Variants in FECH observed in about 807,000 individuals in gnomAD.
FECH encodes ferrochelatase, mitochondrial.
A neutral mutation model predicts 56.9 loss-of-function variants in FECH; 40 were observed. That is an observed-to-expected ratio of 0.70 (90% confidence interval 0.55 to 0.92). FECH has a LOEUF of 0.92. FECH is among the 40% of genes least tolerant of loss of function. The pLI is 0.00. For missense variants in FECH, 431 were observed against 529.1 expected (o/e 0.81, Z 1.82); for synonymous variants, 175 against 198.6 (o/e 0.88, Z 1.00).
At chr18:57,584,126 G>A (rs1477463840) in intron 1 of FECH, among the ~76,000 whole-genome samples, 1 of 151,214 alleles carries the variant, frequency 6.6e-6, no homozygotes, top group East Asian at 1.9e-4. Context: ...GTTGCAGTGA[G>A]CCGAGATCAT....
chr18:57,581,460 T>C (rs184316500), intron 1 of FECH, among the ~76,000 whole-genome samples: 2 of 152,348 alleles, frequency 1.3e-5, no homozygotes, highest in East Asian at 3.9e-4. Flanking sequence ...CCTGGTGCTA[T>C]GCACATGACC....
At position 57,545,138 on chromosome 18, in the gene FECH, G is replaced by A. The variant is rs2050703268; in HGVS notation, c.*5574C>T. On this transcript the variant is annotated 3_prime_UTR_variant, in exon 11 of 11. Coordinates refer to ENST00000262093, the MANE Select transcript of FECH (RefSeq NM_000140.5). ...CTGTCTGTTCCCATTTCAGGAGCAG[G>A]CTAAGAGTGTGTTTCTGGAAACAAA... Among the ~76,000 whole-genome samples the A allele has an allele frequency of 6.6e-6, 1 of 152,196 alleles. No homozygotes were observed. The highest frequency in any genetic ancestry group is 1.5e-5 in the Non-Finnish European group (1 of 68,048).
In FECH at chr18:57,550,621, C is replaced by T; in HGVS notation, c.*91G>A. On this transcript the variant is annotated 3_prime_UTR_variant, in exon 11 of 11. Coordinates refer to ENST00000262093, the MANE Select transcript of FECH (RefSeq NM_000140.5). ...TATATATATCAAGGAAGGATGACTT[C>T]CTTCCTTGATCTCTAAATAACACCC... 1.3e-6 allele frequency: 2 copies of T among 1,553,310 alleles called. No homozygotes were observed. The highest frequency in any genetic ancestry group is 1.8e-6 in the Non-Finnish European group (2 of 1,130,484).
intron 4 of FECH, among the ~76,000 whole-genome samples, chr18:57,569,835 AC>A (rs1398426522): frequency 6.7e-6 from 1 of 148,924 alleles, no homozygotes; most frequent in Non-Finnish European, 1.5e-5. Context: ...TCATAATAAA[AC>A]CTTTTTTTTT....
chr18:57,552,424 G>C (rs1049481813), intron 9 of FECH, among the ~76,000 whole-genome samples: 1 of 150,330 alleles, frequency 6.7e-6, no homozygotes, highest in East Asian at 1.9e-4. Flanking sequence ...TTTTTGAGAG[G>C]CAGTCTCAGT....
chr18:57,568,170 G>C (rs1043262902), intron 4 of FECH, among the ~76,000 whole-genome samples: 3 of 152,130 alleles, frequency 2.0e-5, no homozygotes, highest in African/African-American at 7.2e-5. Context: ...GAAACAATAC[G>C]ATGATCAGAA....
In FECH at chr18:57,545,736, G is replaced by A. The variant is rs1032837493; in HGVS notation, c.*4976C>T. Among the ~76,000 whole-genome samples, 5 of 152,118 alleles carry A rather than the reference G, an allele frequency of 3.3e-5. No individual in the cohort carries two copies. The highest frequency in any genetic ancestry group is 5.9e-5 in the Non-Finnish European group (4 of 68,028). On this transcript the variant is annotated 3_prime_UTR_variant, in exon 11 of 11. Coordinates refer to ENST00000262093, the MANE Select transcript of FECH (RefSeq NM_000140.5). ...ACACACTTTATATTTTGCAAAATAC[G>A]TGCATATGGAAAAGAAGCACAACAT...
chr18:57,554,738 A>G (rs1238460812), intron 8 of FECH, 107 bp downstream of exon 8: 2 of 907,856 alleles, frequency 2.2e-6, no homozygotes, highest in African/African-American at 3.3e-5. Context: ...CAATCAGGTT[A>G]TGGAAGAGCC....
Position 57,580,145 on chromosome 18 carries a change from G to C in FECH, c.122C>G (p.Ala41Gly), listed in dbSNP as rs2051255285. ...CQPWRWKSGA[A>G]AAAVTTETAQ... ...TGTTTCTGTGGTGACGGCCGCTGCA[G>C]CTGCACCTGACTTCCACCTCCATGG... is the stretch of plus-strand genomic sequence containing the variant. The change falls in exon 2 of 11, where the codon GCT (alanine) becomes GGT (glycine). Residue 41 changes from alanine (A) to glycine (G), a missense_variant. Ala to Gly is a moderately conservative substitution (Grantham distance 60). Transcript: ENST00000262093. The C allele has an allele frequency of 6.2e-7, 1 of 1,614,186 alleles. No homozygotes were observed. The highest frequency in any genetic ancestry group is 1.1e-5 in the South Asian group (1 of 91,084).
At chr18:57,562,604 T>C (rs1022450201) in intron 6 of FECH, among the ~76,000 whole-genome samples, 5 of 152,196 alleles carry the variant, frequency 3.3e-5, no homozygotes, top group African/African-American at 7.2e-5. Context: ...CTTCTGGTCA[T>C]AGGAAACACA....
intron 2 of FECH, among the ~76,000 whole-genome samples, chr18:57,576,041 T>A (rs992444373): frequency 6.6e-6 from 1 of 152,090 alleles, no homozygotes; most frequent in African/African-American, 2.4e-5. Context: ...ACTACTGACG[T>A]TTGGGGCTGG....
chr18:57,577,154 C>G (rs183886237), intron 2 of FECH, among the ~76,000 whole-genome samples: 2 of 152,296 alleles, frequency 1.3e-5, no homozygotes. Context: ...TTCATTAAAC[C>G]TCTAAGACAT....
Position 57,548,386 on chromosome 18 carries a change from C to T in FECH, c.*2326G>A, listed in dbSNP as rs978022375. 2.0e-5 allele frequency: 3 copies of T among 152,102 alleles called. No homozygotes were observed. The highest frequency in any genetic ancestry group is 2.9e-5 in the Non-Finnish European group (2 of 68,022). The allele number at this position is 152,102 out of a possible 1,614,324, so 9.4% of individuals were successfully genotyped here. A position where few individuals can be genotyped will look rare whatever the true frequency, so the allele number is the denominator to read the frequency against. ...GCATATTCTTTAGAAGAGCACTATACATGCAGGGACCTGGGCTTTATCATC... is the reference window on the plus strand; with the variant it reads ...GCATATTCTTTAGAAGAGCACTATATATGCAGGGACCTGGGCTTTATCATC... On this transcript the variant is annotated 3_prime_UTR_variant, in exon 11 of 11. Transcript: ENST00000262093.
intron 4 of FECH, chr18:57,567,884 AAAG>A (rs1396419474): frequency 6.6e-6 from 1 of 152,232 alleles, no homozygotes; most frequent in African/African-American, 2.4e-5. Flanking sequence ...GTACTGCAAA[AAAG>A]AAGAAGGAAG....
rs970748078 is a variant in FECH at position 57,554,930 on chromosome 18, T to C, written c.827A>G (p.Tyr276Cys). ...GACAGTGGCGCTTACCTCCTGAGGA[T>C]ATGGGTCGCCTCTGTTGACCACCTG... ...PMSVVNRGDP[Y>C]PQEVSATVQK... Residue 276 changes from tyrosine to cysteine, a missense_variant, in exon 8 of 11, where the codon TAT becomes TGT. Coordinates refer to ENST00000262093, the MANE Select transcript of FECH (RefSeq NM_000140.5). 2 of 1,614,028 alleles carry C rather than the reference T, an allele frequency of 1.2e-6. No individual in the cohort carries two copies. The highest frequency in any genetic ancestry group is 2.7e-5 in the African/African-American group (2 of 74,922).
In FECH at chr18:57,548,497, T is replaced by C. The variant is rs1409310696; in HGVS notation, c.*2215A>G. On this transcript the variant is annotated 3_prime_UTR_variant, in exon 11 of 11. Coordinates refer to ENST00000262093, the MANE Select transcript of FECH (RefSeq NM_000140.5). ...ATTCATCAATTAAAAGCCAGATCCG[T>C]ATATACACAGCTGAAGAAACTGCCA... The C allele has an allele frequency of 6.6e-6, 1 of 152,192 alleles. No homozygotes were observed. Among genetic ancestry groups the C allele is most frequent in the African/African-American group, 2.4e-5 (1 of 41,454 alleles). 9.4% of individuals were successfully genotyped at this position (152,192 alleles called of 1,614,324 possible).
intron 2 of FECH, among the ~76,000 whole-genome samples, chr18:57,575,889 C>T (rs1407318345): frequency 1.3e-5 from 2 of 152,164 alleles, no homozygotes; most frequent in Non-Finnish European, 2.9e-5. Flanking sequence ...CCTACTTTTT[C>T]AGAATACGAA....
At chr18:57,571,112 C>G (rs546177844) in intron 4 of FECH, among the ~76,000 whole-genome samples, 3 of 152,144 alleles carry the variant, frequency 2.0e-5, no homozygotes, top group Admixed American at 2.0e-4. Context: ...TTGCTTATGC[C>G]TTATACTCTA....
intron 1 of FECH, among the ~76,000 whole-genome samples, chr18:57,583,566 G>C (rs1341163808): frequency 6.6e-6 from 1 of 152,274 alleles, no homozygotes; most frequent in Non-Finnish European, 1.5e-5. Flanking sequence ...GCTGAGCAAA[G>C]GGGTGAAGAA....
Sources: allele counts gnomAD v4.1 joint callset (sites outside exome capture counted in the v4.1 genomes callset), GRCh38; gene constraint gnomAD v4.1.1; transcripts MANE v1.5; gene names NCBI Gene and HGNC (gene_info 2026-07-23, HGNC 2026-07-21).